The following CLEC7A variants were observed in gnomAD, a reference collection of about 807,000 sequenced individuals.
The protein encoded by CLEC7A is C-type lectin domain family 7 member A.
A neutral mutation model predicts 26.9 loss-of-function variants in CLEC7A; 25 were observed. The observed-to-expected ratio is 0.93, with a 90% CI of 0.68 to 1.30. CLEC7A has a LOEUF of 1.30. Ranked by LOEUF, CLEC7A falls within the 50% of genes most tolerant of loss-of-function variation. The pLI, the probability that CLEC7A is intolerant of heterozygous loss-of-function variation, is 0.00. For synonymous variants in CLEC7A, 100 were observed against 99.5 expected (o/e 1.01, Z -0.03); for missense variants, 275 against 286.7 (o/e 0.96, Z 0.29).
chr12:10,129,941 G>C, intron 1 of CLEC7A, 39 bp downstream of exon 1: 1 of 1,190,794 alleles, frequency 8.4e-7, no homozygotes, highest in Non-Finnish European at 1.2e-6. Flanking sequence ...TTTCAAACGG[G>C]AGAGCTAAAG....
At chr12:10,120,680 G>A (rs1000722247) in intron 5 of CLEC7A, among the ~76,000 whole-genome samples, 3 of 150,762 alleles carry the variant, frequency 2.0e-5, no homozygotes, top group African/African-American at 4.9e-5. Context: ...CGCCTGCCTC[G>A]GCCTCCCAAA....
intron 2 of CLEC7A, chr12:10,127,463 A>G (rs1412912028): frequency 6.2e-7 from 1 of 1,612,422 alleles, no homozygotes. Context: ...GAGGTAGGAG[A>G]GCAATGTAGT....
At chr12:10,125,244 A>G (rs1347190344) in intron 4 of CLEC7A, 53 bp downstream of exon 4, 16 of 1,502,504 alleles carry the variant, frequency 1.1e-5, no homozygotes, top group East Asian at 2.3e-5. Flanking sequence ...ATCTCCCTCT[A>G]TCTTCCTTCA....
chr12:10,123,440 A>T (rs1487923507), intron 4 of CLEC7A, 77 bp from the exon 5 acceptor site: 1 of 944,912 alleles, frequency 1.1e-6, no homozygotes, highest in Non-Finnish European at 1.7e-6. Context: ...GGACGCTGAG[A>T]AAAAGACAAC....
Position 10,118,038 on chromosome 12 carries a change from C to CA in CLEC7A, c.*419dup. ...TCAACATGGCAAAACCCAGTCTCTA[C>CA]AAAAAACACCAAAAATTAGCCTGGC... On this transcript the variant is annotated 3_prime_UTR_variant, in exon 6 of 6. Transcript: ENST00000304084. 1 of 167,370 alleles carries CA rather than the reference C, an allele frequency of 6.0e-6. No homozygotes were observed. The highest frequency in any genetic ancestry group is 1.3e-5 in the Non-Finnish European group (1 of 78,414). 10.4% of individuals were successfully genotyped at this position (167,370 alleles called of 1,614,324 possible).
In CLEC7A at chr12:10,117,817, T is replaced by A. The variant is rs906651046; in HGVS notation, c.*641A>T. On this transcript the variant is annotated 3_prime_UTR_variant, in exon 6 of 6. Transcript: ENST00000304084. ...AACACACCGTGCACTTCAATGGCAT[T>A]GTTGAGCATGAAACAACTCTGATAG... is the stretch of plus-strand genomic sequence containing the variant. The A allele has an allele frequency of 1.3e-5, 2 of 152,448 alleles. No homozygotes were observed. Among genetic ancestry groups the A allele is most frequent in the Non-Finnish European group, 2.9e-5 (2 of 68,246 alleles). 9.4% of individuals were successfully genotyped at this position (152,448 alleles called of 1,614,324 possible). A position where few individuals can be genotyped will look rare whatever the true frequency, so the allele number is the denominator to read the frequency against.
intron 2 of CLEC7A, 92 bp downstream of exon 2, chr12:10,127,653 TAG>T: frequency 1.0e-6 from 1 of 980,444 alleles, no homozygotes; most frequent in East Asian, 2.6e-5. Context: ...CAAATTAAAG[TAG>T]ATTATGCATG....
In CLEC7A at chr12:10,117,631, T is replaced by G. The variant is rs1947953235; in HGVS notation, c.*827A>C. 6.6e-6 allele frequency: 1 copy of G among 151,976 alleles called. No homozygotes were observed. The highest frequency in any genetic ancestry group is 1.5e-5 in the Non-Finnish European group (1 of 67,990). The allele number at this position is 151,976 out of a possible 1,614,324, so 9.4% of individuals were successfully genotyped here. A position where few individuals can be genotyped will look rare whatever the true frequency, so the allele number is the denominator to read the frequency against. Reference sequence around the variant, plus strand: ...AAAAGTAGGAGTTCCTGCTTTTTACTAAGATGATAATCATAATTATGATCA... The same window carrying G: ...AAAAGTAGGAGTTCCTGCTTTTTACGAAGATGATAATCATAATTATGATCA... On this transcript the variant is annotated 3_prime_UTR_variant, in exon 6 of 6. Transcript: ENST00000304084.
chr12:10,123,714 T>C (rs1263818511), intron 4 of CLEC7A, among the ~76,000 whole-genome samples: 2 of 137,044 alleles, frequency 1.5e-5, no homozygotes, highest in African/African-American at 3.4e-5. Flanking sequence ...TGAGCCGAGA[T>C]TGCGCCACTG....
chr12:10,125,269 G>A, intron 4 of CLEC7A, 28 bp downstream of exon 4: 1 of 1,598,768 alleles, frequency 6.3e-7, no homozygotes, highest in Non-Finnish European at 8.6e-7. Context: ...ACACACCACA[G>A]ATAATCATAA....
intron 2 of CLEC7A, 58 bp from the exon 3 acceptor site, chr12:10,126,766 A>G: frequency 6.9e-7 from 1 of 1,444,642 alleles, no homozygotes; most frequent in Non-Finnish European, 9.4e-7. Flanking sequence ...CTGTGTTTGA[A>G]AATTAAAATC....
At chr12:10,125,745 C>T (rs1948260993) in intron 3 of CLEC7A, among the ~76,000 whole-genome samples, 1 of 152,090 alleles carries the variant, frequency 6.6e-6, no homozygotes, top group Non-Finnish European at 1.5e-5. Flanking sequence ...TACCTTTCTC[C>T]TTAATAACTC....
chr12:10,126,985 A>G, intron 2 of CLEC7A: 5 of 1,289,998 alleles, frequency 3.9e-6, no homozygotes, highest in Non-Finnish European at 5.1e-6. Context: ...GCAAGAGGCA[A>G]ATGTCATAGA....
intron 2 of CLEC7A, chr12:10,127,187 A>G: frequency 2.7e-6 from 3 of 1,093,056 alleles, no homozygotes; most frequent in Non-Finnish European, 3.8e-6. Context: ...GTGATATAAA[A>G]TGTAAAAAAA....
chr12:10,126,909 T>G (rs1301593290), intron 2 of CLEC7A: 5 of 623,306 alleles, frequency 8.0e-6, no homozygotes, highest in South Asian at 3.1e-5. Context: ...ATAAAGGAGG[T>G]ATAGTAAAAA....
chr12:10,123,449 A>G, intron 4 of CLEC7A, 86 bp from the exon 5 acceptor site: 2 of 889,086 alleles, frequency 2.2e-6, no homozygotes, highest in South Asian at 1.5e-5. Flanking sequence ...GAAAAAGACA[A>G]CTGATTGAAT....
At chr12:10,126,920 AAAAAAAAG>A (rs1948307069) in intron 2 of CLEC7A, 2 of 845,778 alleles carry the variant, frequency 2.4e-6, no homozygotes, top group Non-Finnish European at 3.3e-6. Flanking sequence ...ATAGTAAAAA[AAAAAAAAG>A]AAAAGAAAAA....
chr12:10,127,020 G>T, intron 2 of CLEC7A: 4 of 1,393,210 alleles, frequency 2.9e-6, no homozygotes, highest in South Asian at 2.5e-5. Flanking sequence ...TGACAGATTT[G>T]AAATAGCAAC....
intron 5 of CLEC7A, among the ~76,000 whole-genome samples, chr12:10,121,333 G>T (rs1026610138): frequency 2.6e-5 from 4 of 151,544 alleles, no homozygotes; most frequent in African/African-American, 9.7e-5. Flanking sequence ...GGAAAGAAAG[G>T]GGAAAAAAAG....
Sources: allele counts gnomAD v4.1 joint callset (sites outside exome capture counted in the v4.1 genomes callset), GRCh38; gene constraint gnomAD v4.1.1; transcripts MANE v1.5; gene names NCBI Gene and HGNC (gene_info 2026-07-23, HGNC 2026-07-21).